The following NNMT variants were observed in gnomAD, a reference collection of about 807,000 sequenced individuals.
NNMT encodes the protein nicotinamide N-methyltransferase.
Under a neutral mutation model 11.7 loss-of-function variants are expected in NNMT, and 10 were observed. The observed-to-expected ratio is 0.85, with a 90% CI of 0.53 to 1.45. The LOEUF (loss-of-function observed/expected upper bound fraction) is 1.45, where lower values mean the gene tolerates loss of function less well. Among genes scored for constraint, NNMT ranks in the 40% most tolerant of loss-of-function variants. The pLI, the probability that NNMT is intolerant of heterozygous loss-of-function variation, is 0.00. For missense variants in NNMT, 381 were observed against 319.4 expected, an observed-to-expected ratio of 1.19 and a Z score of -1.47; for synonymous variants, 143 against 133.8, an observed-to-expected ratio of 1.07 and a Z score of -0.48.
In NNMT at chr11:114,312,517, C is replaced by T. The variant is rs75320179; in HGVS notation, c.*40C>T. 1 of 1,574,502 alleles carries T rather than the reference C, an allele frequency of 6.4e-7. No individual in the cohort carries two copies. The highest frequency in any genetic ancestry group is 1.7e-5 in the Admixed American group (1 of 58,570). On this transcript the variant is annotated 3_prime_UTR_variant, in exon 3 of 3. Coordinates refer to ENST00000299964, the MANE Select transcript of NNMT (RefSeq NM_006169.3). Reference sequence around the variant, plus strand: ...ATTAAAGCAATTCCTTTGACCTGTCCAGTTGACTTTAGTCCTTGTTTCTAA... The same window carrying T: ...ATTAAAGCAATTCCTTTGACCTGTCTAGTTGACTTTAGTCCTTGTTTCTAA...
In NNMT at chr11:114,297,979, C is replaced by T; in HGVS notation, c.183C>T (p.Asp61=). ...GTGTGAAGGGAGACCTGCTGATTGACATCGGCTCTGGCCCCACTATCTATC... is the reference window on the plus strand; with the variant it reads ...GTGTGAAGGGAGACCTGCTGATTGATATCGGCTCTGGCCCCACTATCTATC... ...LDGVKGDLLI[D]IGSGPTIYQL... is the part of the protein sequence containing the mutation. Residue 61 remains aspartate, a synonymous_variant, in exon 2 of 3, where the codon GAC becomes GAT. Coordinates refer to ENST00000299964, the MANE Select transcript of NNMT (RefSeq NM_006169.3). 1 of 1,613,232 alleles carries T rather than the reference C, an allele frequency of 6.2e-7. No homozygotes were observed. The highest frequency in any genetic ancestry group is 8.5e-7 in the Non-Finnish European group (1 of 1,180,008).
chr11:114,259,492 TGGGCAGGATGCG>T (rs1945058275), intron 1 of NNMT, among the ~76,000 whole-genome samples: 1 of 152,064 alleles, frequency 6.6e-6, no homozygotes, highest in Non-Finnish European at 1.5e-5. Context: ...TGGGTGTTGC[TGGGCAGGATGCG>T]GGGCAGGAGA....
intron 2 of NNMT, among the ~76,000 whole-genome samples, chr11:114,273,209 A>G (rs1591827457): frequency 6.6e-6 from 1 of 152,216 alleles, no homozygotes; most frequent in Non-Finnish European, 1.5e-5. Flanking sequence ...ATCTGAAGAC[A>G]TTTAAAGACC....
intron 2 of NNMT, among the ~76,000 whole-genome samples, chr11:114,263,310 T>C (rs568349356): frequency 6.6e-6 from 1 of 152,284 alleles, no homozygotes; most frequent in Admixed American, 6.5e-5. Context: ...ATGATTATTT[T>C]CTCTTTTCTC....
rs35581671 is a variant in NNMT at position 114,299,794 on chromosome 11, ATT to A, written c.362+1648_362+1649del. 5.0e-3 allele frequency among the ~76,000 whole-genome samples: 735 copies of A among 145,954 alleles called. 3 individuals carry two copies. The highest frequency in any genetic ancestry group is 6.2e-3 in the Non-Finnish European group (410 of 66,322). ...TATCTTGGTTGTCAACTTTATTGGC[ATT>A]TTTTTTTTTTTACAATATCCTTTTA... On this transcript the variant is annotated intron_variant, in intron 2 of 2. Transcript: ENST00000299964.
intron 2 of NNMT, among the ~76,000 whole-genome samples, chr11:114,280,807 G>A (rs1289024509): frequency 2.6e-5 from 4 of 152,156 alleles, no homozygotes; most frequent in African/African-American, 7.2e-5. Flanking sequence ...TCTTGAGCTT[G>A]GGGGCTGCAG....
intron 2 of NNMT, among the ~76,000 whole-genome samples, chr11:114,267,706 T>C (rs1396273922): frequency 1.3e-5 from 2 of 152,252 alleles, no homozygotes; most frequent in African/African-American, 4.8e-5. Flanking sequence ...TTCTTTTTCC[T>C]GTCTTTTGTT....
At chr11:114,292,462 T>C (rs1233390463), upstream of NNMT, among the ~76,000 whole-genome samples, 1 of 152,204 alleles carries the variant, frequency 6.6e-6, no homozygotes, top group African/African-American at 2.4e-5. Flanking sequence ...CCCCACTACA[T>C]TGATTTTTTG....
Position 114,298,044 on chromosome 11 carries a change from T to G in NNMT, c.248T>G (p.Val83Gly), listed in dbSNP as rs1282783636. The change falls in exon 2 of 3, where the codon GTC (valine) becomes GGC (glycine). Residue 83 changes from valine (V) to glycine (G), a missense_variant. Coordinates refer to ENST00000299964, the MANE Select transcript of NNMT (RefSeq NM_006169.3). ...SACESFKEIV[V>G]TDYSDQNLQE... The stretch of plus-strand genomic sequence containing the variant: ...TGTGAATCCTTTAAGGAGATCGTCG[T>G]CACTGACTACTCAGACCAGAACCTG... 1.9e-6 allele frequency: 3 copies of G among 1,614,092 alleles called. No homozygotes were observed. The East Asian group carries it at 6.7e-5, about 36-fold the overall frequency.
chr11:114,288,099 G>C (rs1042397065), intron 2 of NNMT, among the ~76,000 whole-genome samples: 1 of 152,110 alleles, frequency 6.6e-6, no homozygotes, highest in African/African-American at 2.4e-5. Flanking sequence ...TTGCTAAACT[G>C]TTATATTGTA....
intron 1 of NNMT, 46 bp downstream of exon 1, chr11:114,296,756 G>A: frequency 6.3e-7 from 1 of 1,591,076 alleles, no homozygotes; most frequent in Non-Finnish European, 8.6e-7. Context: ...GAGTCATATA[G>A]ATGGAGTCTC....
intron 2 of NNMT, among the ~76,000 whole-genome samples, chr11:114,273,716 T>C (rs1477428955): frequency 6.6e-6 from 1 of 152,112 alleles, no homozygotes; most frequent in East Asian, 1.9e-4. Flanking sequence ...GGCACGTGCC[T>C]GTAATCCCAG....
chr11:114,262,246 GT>G (rs1367805041), intron 1 of NNMT, among the ~76,000 whole-genome samples: 4 of 152,016 alleles, frequency 2.6e-5, no homozygotes, highest in African/African-American at 9.7e-5. Context: ...GGATGTGCAG[GT>G]TTGTTCCATA....
Position 114,312,780 on chromosome 11 carries a change from C to A in NNMT, c.*303C>A. The A allele has an allele frequency of 2.9e-6, 1 of 339,038 alleles. No individual in the cohort carries two copies. Among genetic ancestry groups the A allele is most frequent in the Non-Finnish European group, 5.4e-6 (1 of 184,282 alleles). The allele number at this position is 339,038 out of a possible 1,614,324, so 21.0% of individuals were successfully genotyped here. ...TAGTTATGGCGGCTCAAGCCCGTAC[C>A]TGCCTACAGAGAAGTGTCTGCAGTT... is the stretch of plus-strand genomic sequence containing the variant. On this transcript the variant is annotated 3_prime_UTR_variant, in exon 3 of 3. Coordinates refer to ENST00000299964, the MANE Select transcript of NNMT (RefSeq NM_006169.3).
intron 2 of NNMT, among the ~76,000 whole-genome samples, chr11:114,264,876 A>G (rs1319634606): frequency 1.3e-5 from 2 of 152,210 alleles, no homozygotes; most frequent in Non-Finnish European, 2.9e-5. Context: ...GGGGCTTGGC[A>G]CTTCCATACC....
At chr11:114,309,579 ATC>A (rs66809545) in intron 2 of NNMT, among the ~76,000 whole-genome samples, 97,248 of 151,182 alleles carry the variant, frequency 0.64, 33,658 homozygotes, top group East Asian at 0.82. Flanking sequence ...TGCTAAGCTC[ATC>A]TCTCTCTCTC....
In NNMT at chr11:114,296,433, C is replaced by G; in HGVS notation, c.-124C>G. ...CCAACCATCTGTTCTAAAAGAAGGG[C>G]TGAACTGATGGAAGGAATGCTGTTA... On this transcript the variant is annotated 5_prime_UTR_variant, in exon 1 of 3. Transcript: ENST00000299964. 1.1e-6 allele frequency: 1 copy of G among 927,324 alleles called. No individual in the cohort carries two copies. Among genetic ancestry groups the G allele is most frequent in the Non-Finnish European group, 1.6e-6 (1 of 617,582 alleles). 57.4% of individuals were successfully genotyped at this position (927,324 alleles called of 1,614,324 possible). A position where few individuals can be genotyped will look rare whatever the true frequency, so the allele number is the denominator to read the frequency against.
chr11:114,278,056 A>G (rs1945227993), intron 2 of NNMT, among the ~76,000 whole-genome samples: 1 of 152,252 alleles, frequency 6.6e-6, no homozygotes, highest in African/African-American at 2.4e-5. Context: ...GCAATGCCGT[A>G]AAGGAATACC....
At chr11:114,258,372 T>A (rs1374063514) in intron 1 of NNMT, among the ~76,000 whole-genome samples, 5 of 152,230 alleles carry the variant, frequency 3.3e-5, no homozygotes, top group African/African-American at 1.2e-4. Flanking sequence ...AGTGGAGAGC[T>A]GAGGCCCGGC....
Sources: gnomAD v4.1 joint callset for allele counts (sites outside exome capture counted in the v4.1 genomes callset) on GRCh38, gnomAD v4.1.1 for gene constraint, MANE v1.5 for transcripts, NCBI Gene and HGNC (gene_info 2026-07-23, HGNC 2026-07-21) for gene names.